Variants in PRORP observed in about 807,000 individuals in gnomAD.
PRORP encodes the protein protein only RNase P catalytic subunit, also known as mitochondrial ribonuclease P catalytic subunit.
PRORP carries 51 observed loss-of-function variants against 59.4 expected under a neutral mutation model. The ratio of observed to expected loss-of-function variants is 0.86; its 90% CI spans 0.69 to 1.08. PRORP has a LOEUF of 1.08. Among genes scored for constraint, PRORP ranks in the 50% least tolerant of loss-of-function variants. The probability of loss-of-function intolerance (pLI) is 0.00; values close to 1 mark genes in which losing one functional copy is unlikely to be tolerated. For missense variants in PRORP, 646 were observed against 690.3 expected (o/e 0.94, Z 0.72); for synonymous variants, 231 against 245.6 (o/e 0.94, Z 0.55).
At chr14:35,158,314 A>C (rs1301705424) in intron 4 of PRORP, 1 of 272,688 alleles carries the variant, frequency 3.7e-6, no homozygotes, top group Non-Finnish European at 7.4e-6. Context: ...CATATGTGTT[A>C]TCAACATATT....
chr14:35,122,685 TCGTTGG>T (rs2046957143), intron 1 of PRORP, 50 bp downstream of exon 1: 1 of 155,936 alleles, frequency 6.4e-6, no homozygotes, highest in Non-Finnish European at 1.4e-5. Context: ...CTTTCCTGAG[TCGTTGG>T]CGCAGCTGAC....
intron 5 of PRORP, among the ~76,000 whole-genome samples, chr14:35,228,659 A>G (rs1219867256): frequency 2.0e-5 from 3 of 152,230 alleles, no homozygotes; most frequent in African/African-American, 7.2e-5. Flanking sequence ...GTGGCCACAT[A>G]GTATTCCATG....
chr14:35,202,536 G>A (rs767265937), intron 5 of PRORP, among the ~76,000 whole-genome samples: 6 of 152,142 alleles, frequency 3.9e-5, no homozygotes, highest in Non-Finnish European at 7.4e-5. Flanking sequence ...GATAAAAGGA[G>A]AAGTTTAAGC....
At chr14:35,133,578 T>G (rs1595167051) in intron 4 of PRORP, among the ~76,000 whole-genome samples, 2 of 152,322 alleles carry the variant, frequency 1.3e-5, no homozygotes, top group Non-Finnish European at 2.9e-5. Flanking sequence ...GTCTGGGCAT[T>G]GAAGAGTTAG....
At position 35,123,555 on chromosome 14, in the gene PRORP, G is replaced by A. The variant is rs779597494; in HGVS notation, c.310G>A (p.Ala104Thr). 6.2e-7 allele frequency: 1 copy of A among 1,614,172 alleles called. No homozygotes were observed. Among genetic ancestry groups the A allele is most frequent in the South Asian group, 1.1e-5 (1 of 91,084 alleles). The change falls in exon 2 of 8, where the codon GCC becomes ACC. Residue 104 changes from alanine (A) to threonine (T), a missense_variant. Ala to Thr is a moderately conservative substitution (Grantham distance 58). Transcript: ENST00000534898. Reference sequence around the variant, plus strand: ...GATGAATTCTCAAACTGAAGATCATGCCTTGGCACCTGTGAGGAACACTAT... The same window carrying A: ...GATGAATTCTCAAACTGAAGATCATACCTTGGCACCTGTGAGGAACACTAT... ...SQMNSQTEDH[A>T]LAPVRNTIQL... is the part of the protein sequence containing the mutation.
intron 4 of PRORP, among the ~76,000 whole-genome samples, chr14:35,177,120 G>C (rs2048472614): frequency 1.3e-5 from 2 of 152,142 alleles, no homozygotes; most frequent in Non-Finnish European, 2.9e-5. Flanking sequence ...TAAGCTTTTT[G>C]ATGTGCTGCT....
At chr14:35,234,088 A>G (rs1437289033) in intron 5 of PRORP, among the ~76,000 whole-genome samples, 1 of 152,228 alleles carries the variant, frequency 6.6e-6, no homozygotes, top group African/African-American at 2.4e-5. Context: ...TTGTCTAAGA[A>G]ATCATGTCAA....
At chr14:35,165,723 AG>A (rs1437467619) in intron 4 of PRORP, among the ~76,000 whole-genome samples, 1 of 151,824 alleles carries the variant, frequency 6.6e-6, no homozygotes, top group African/African-American at 2.4e-5. Context: ...TCTGTTGCCC[AG>A]GCTGGAGTGC....
Position 35,273,547 on chromosome 14 carries a change from G to A in PRORP, c.1733G>A (p.Cys578Tyr), listed in dbSNP as rs2051249839. 1 of 1,613,152 alleles carries A rather than the reference G, an allele frequency of 6.2e-7. No individual in the cohort carries two copies. The change falls in exon 8 of 8, where the codon TGC (cysteine) becomes TAC (tyrosine). Residue 578 changes from cysteine to tyrosine, a missense_variant. Cys to Tyr is a radical substitution (Grantham distance 194). Transcript: ENST00000534898. ...CSCEVPTKWL[C>Y]LHQKT ...TGTGAAGTACCAACCAAATGGCTTTGCCTCCACCAAAAGACATAGAGATTC... is the reference window on the plus strand; with the variant it reads ...TGTGAAGTACCAACCAAATGGCTTTACCTCCACCAAAAGACATAGAGATTC...
Position 35,138,947 on chromosome 14 carries a change from T to C in PRORP, c.1167+11336T>C, listed in dbSNP as rs191847606. 2.7e-3 allele frequency among the ~76,000 whole-genome samples: 395 copies of C among 145,030 alleles called. 14 individuals are homozygous for C. Among genetic ancestry groups the C allele is most frequent in the African/African-American group, 8.5e-3 (349 of 41,048 alleles). On this transcript the variant is annotated intron_variant, in intron 4 of 7. Coordinates refer to ENST00000534898, the MANE Select transcript of PRORP (RefSeq NM_014672.4). ...CTGGGACTACAGGTGCATACCACCA[T>C]GCCTGGCTAATTTTTGTATTTTTTG...
At chr14:35,143,131 TG>T (rs2047521403) in intron 4 of PRORP, among the ~76,000 whole-genome samples, 1 of 146,234 alleles carries the variant, frequency 6.8e-6, no homozygotes, top group African/African-American at 2.4e-5. Context: ...TAAACATTAT[TG>T]AACATTCTAG....
intron 5 of PRORP, among the ~76,000 whole-genome samples, chr14:35,242,032 G>A (rs1023916867): frequency 2.0e-5 from 3 of 152,044 alleles, no homozygotes; most frequent in Non-Finnish European, 4.4e-5. Flanking sequence ...CGTGCTTCAG[G>A]TAGTACCTGG....
chr14:35,135,760 C>G (rs1489971209), intron 4 of PRORP, among the ~76,000 whole-genome samples: 1 of 152,064 alleles, frequency 6.6e-6, no homozygotes, highest in Non-Finnish European at 1.5e-5. Context: ...GAGTTTGAGA[C>G]CAGCCTGGGC....
At chr14:35,271,285 A>G (rs565409115) in intron 7 of PRORP, among the ~76,000 whole-genome samples, 1 of 150,114 alleles carries the variant, frequency 6.7e-6, no homozygotes, top group Non-Finnish European at 1.5e-5. Context: ...CAGCCTCCCA[A>G]GTAGCTGGGA....
At chr14:35,231,435 A>G (rs1414087078) in intron 5 of PRORP, among the ~76,000 whole-genome samples, 1 of 151,532 alleles carries the variant, frequency 6.6e-6, no homozygotes, top group Non-Finnish European at 1.5e-5. Context: ...CCAACTATAG[A>G]TTTTTTTTTA....
intron 5 of PRORP, among the ~76,000 whole-genome samples, chr14:35,197,538 A>T (rs1386384734): frequency 1.3e-5 from 2 of 152,148 alleles, no homozygotes; most frequent in African/African-American, 4.8e-5. Flanking sequence ...AATTTTCACT[A>T]ATATAAAGGC....
intron 4 of PRORP, among the ~76,000 whole-genome samples, chr14:35,166,744 C>A (rs1191418614): frequency 1.3e-5 from 2 of 152,168 alleles, no homozygotes; most frequent in African/African-American, 2.4e-5. Context: ...AGCCACTGTG[C>A]CTGGCCTATC....
intron 2 of PRORP, 91 bp downstream of exon 2, chr14:35,124,322 C>A: frequency 1.2e-6 from 1 of 828,900 alleles, no homozygotes; most frequent in African/African-American, 1.7e-5. Flanking sequence ...GACTGGAGTG[C>A]AGTGGTGTGT....
chr14:35,199,985 T>C lies in PRORP; in HGVS notation c.1275+19208T>C, dbSNP rs192644666. On this transcript the variant is annotated intron_variant, in intron 5 of 7. Coordinates refer to ENST00000534898, the MANE Select transcript of PRORP (RefSeq NM_014672.4). ...TTTTCTCATCTGTTGAGGAAAGAGA[T>C]AACAGGTAATCTTATTGGGTTTAAG... Among the ~76,000 whole-genome samples the C allele has an allele frequency of 1.7e-3, 252 of 152,310 alleles. 1 individual carries two copies. The highest frequency in any genetic ancestry group is 5.9e-3 in the Admixed American group (91 of 15,300).
Sources: allele counts gnomAD v4.1 joint callset (sites outside exome capture counted in the v4.1 genomes callset), GRCh38; gene constraint gnomAD v4.1.1; transcripts MANE v1.5; gene names NCBI Gene and HGNC (gene_info 2026-07-23, HGNC 2026-07-21).